LTBP2: variants seen among roughly 807,000 people sequenced by gnomAD.
The protein encoded by LTBP2 is latent transforming growth factor beta binding protein 2, also known as latent-transforming growth factor beta-binding protein 2.
In LTBP2, 103 loss-of-function variants were observed where a neutral mutation model predicts 210.6. The observed-to-expected ratio is 0.49, with a 90% CI of 0.42 to 0.58. The LOEUF (loss-of-function observed/expected upper bound fraction) is 0.58. Among genes scored for constraint, LTBP2 ranks in the 20% least tolerant of loss-of-function variants. The pLI, the probability that LTBP2 is intolerant of heterozygous loss-of-function variation, is 0.00. For missense variants in LTBP2, 2,313 were observed against 2,494.5 expected, an observed-to-expected ratio of 0.93 and a Z score of 1.55; for synonymous variants, 1,007 against 1,015.0, an observed-to-expected ratio of 0.99 and a Z score of 0.15.
intron 3 of LTBP2, among the ~76,000 whole-genome samples, chr14:74,565,513 T>A (rs2087891514): frequency 6.6e-6 from 1 of 152,166 alleles, no homozygotes; most frequent in Non-Finnish European, 1.5e-5. Context: ...TAGAGACAGA[T>A]AATTCCCAGC....
intron 30 of LTBP2, 93 bp downstream of exon 30, chr14:74,504,685 G>A: frequency 8.0e-7 from 1 of 1,247,828 alleles, no homozygotes; most frequent in Non-Finnish European, 1.2e-6. Context: ...CGAGGCCAGG[G>A]CTGGATGCAG....
intron 8 of LTBP2, among the ~76,000 whole-genome samples, chr14:74,541,816 G>A (rs1566630491): frequency 1.3e-5 from 2 of 152,256 alleles, no homozygotes; most frequent in Admixed American, 6.5e-5. Flanking sequence ...CTGATCAGAT[G>A]CCTGGTAAGT....
In LTBP2 at chr14:74,522,002, T is replaced by C; in HGVS notation, c.2697A>G (p.Lys899=). Residue 899 remains lysine (K), a synonymous_variant, in exon 17 of 36, where the codon AAA becomes AAG. Transcript: ENST00000261978. ...NECLRDPCKG[K]GRCINRVGSY... ...ACCCCACGCGGTTGATGCAGCGCCC[T>C]TTTCCCTTGCAGGGGTCCCTCAGAC... The C allele has an allele frequency of 6.2e-7, 1 of 1,613,384 alleles. No individual in the cohort carries two copies. Among genetic ancestry groups the C allele is most frequent in the Non-Finnish European group, 8.5e-7 (1 of 1,179,580 alleles).
Position 74,532,578 on chromosome 14 carries a change from C to T in LTBP2, c.1865-30G>A, listed in dbSNP as rs1239516650. 3 of 1,612,642 alleles carry T rather than the reference C, an allele frequency of 1.9e-6. No homozygotes were observed. The Admixed American group carries it at 5.0e-5, about 27-fold the overall frequency. On this transcript the variant is annotated intron_variant, in intron 9 of 35. Transcript: ENST00000261978. The stretch of plus-strand genomic sequence containing the variant: ...AGGGTTGGAGGAGATGACCAAGTGC[C>T]CGCCCCACGGAGGCCTGATGGAGCA...
chr14:74,608,397 C>T (rs1452639261), intron 1 of LTBP2, among the ~76,000 whole-genome samples: 1 of 151,736 alleles, frequency 6.6e-6, no homozygotes, highest in Non-Finnish European at 1.5e-5. Flanking sequence ...AGGTGGTCTG[C>T]TGTGAGGCTG....
chr14:74,573,283 T>G (rs11629289), intron 3 of LTBP2, among the ~76,000 whole-genome samples: 1 of 152,214 alleles, frequency 6.6e-6, no homozygotes, highest in East Asian at 1.9e-4. Flanking sequence ...GTGGGAGTCA[T>G]GGGAATACCC....
At chr14:74,501,696 G>T in intron 34 of LTBP2, 106 bp from the exon 35 acceptor site, 2 of 1,374,012 alleles carry the variant, frequency 1.5e-6, no homozygotes, top group South Asian at 2.4e-5. Flanking sequence ...CTGTGGAACT[G>T]TGGGGGTGGG....
chr14:74,585,877 G>GGGCGGCGACTGTGGTGCT lies in LTBP2; in HGVS notation c.789_806dup (p.Pro271_Ala276dup), dbSNP rs779626266. 5.6e-6 allele frequency: 9 copies of GGGCGGCGACTGTGGTGCT among 1,613,314 alleles called. No homozygotes were observed. Among genetic ancestry groups the GGGCGGCGACTGTGGTGCT allele is most frequent in the Middle Eastern group, 1.7e-4 (1 of 6,052 alleles). Reference sequence around the variant, plus strand: ...ACCCAGCTGGTGGCGACTGTGGTGCGGGCGGCGACTGTGGTGCTGGCGGCT... The same window carrying GGGCGGCGACTGTGGTGCT: ...ACCCAGCTGGTGGCGACTGTGGTGCGGGCGGCGACTGTGGTGCTGGCGGCGACTGTGGTGCTGGCGGCT... On this transcript the variant is annotated inframe_insertion, in exon 3 of 36. Coordinates refer to ENST00000261978, the MANE Select transcript of LTBP2 (RefSeq NM_000428.3).
At chr14:74,512,607 C>T (rs1372105341) in intron 18 of LTBP2, among the ~76,000 whole-genome samples, 1 of 152,232 alleles carries the variant, frequency 6.6e-6, no homozygotes, top group East Asian at 1.9e-4. Context: ...TCGAAGCCCT[C>T]TGTCCCAGAG....
At chr14:74,594,839 C>T (rs1323864032) in intron 2 of LTBP2, among the ~76,000 whole-genome samples, 2 of 152,232 alleles carry the variant, frequency 1.3e-5, no homozygotes, top group African/African-American at 4.8e-5. Context: ...CTCAGAATCG[C>T]TCTCTCCACT....
At chr14:74,554,510 A>G (rs923435319) in intron 4 of LTBP2, among the ~76,000 whole-genome samples, 1 of 152,218 alleles carries the variant, frequency 6.6e-6, no homozygotes, top group African/African-American at 2.4e-5. Flanking sequence ...TAAAAAAGAA[A>G]AAGAGAAGAA....
At chr14:74,582,011 G>A (rs542174751) in intron 3 of LTBP2, among the ~76,000 whole-genome samples, 58 of 151,188 alleles carry the variant, frequency 3.8e-4, no homozygotes, top group African/African-American at 1.3e-3. Context: ...AGCCTGCCTA[G>A]GGTTGTTGTT....
In LTBP2 at chr14:74,511,392, C is replaced by A; in HGVS notation, c.2909-28G>T. The A allele has an allele frequency of 1.9e-6, 3 of 1,613,606 alleles. No individual in the cohort carries two copies. The South Asian group carries it at 3.3e-5, about 18-fold the overall frequency. ...GCAAAACAGCAGCCCCTCCCTTGGT[C>A]ATCCCTGGGAACATAGCAAATGGGT... On this transcript the variant is annotated intron_variant, in intron 18 of 35. Transcript: ENST00000261978.
At chr14:74,547,711 G>C (rs927259507) in intron 8 of LTBP2, among the ~76,000 whole-genome samples, 3 of 152,074 alleles carry the variant, frequency 2.0e-5, no homozygotes, top group Admixed American at 2.0e-4. Flanking sequence ...TGGGTCAGGA[G>C]GTCCCAGGGC....
intron 1 of LTBP2, among the ~76,000 whole-genome samples, chr14:74,606,198 A>T (rs2088524338): frequency 1.3e-5 from 2 of 152,210 alleles, no homozygotes; most frequent in African/African-American, 4.8e-5. Context: ...TCTGGCTAGC[A>T]GTCTGGGAGA....
At chr14:74,546,120 A>G (rs1473008436) in intron 8 of LTBP2, among the ~76,000 whole-genome samples, 1 of 152,126 alleles carries the variant, frequency 6.6e-6, no homozygotes, top group Non-Finnish European at 1.5e-5. Context: ...TGCTCACCCT[A>G]TCACTCCCAC....
intron 1 of LTBP2, among the ~76,000 whole-genome samples, chr14:74,605,234 T>C (rs1018608543): frequency 2.0e-5 from 3 of 152,364 alleles, no homozygotes; most frequent in Middle Eastern, 3.4e-3. Flanking sequence ...AAAGCTTATG[T>C]GGTTTTTGGA....
chr14:74,525,431 T>A (rs2087260311), intron 14 of LTBP2, among the ~76,000 whole-genome samples: 1 of 152,182 alleles, frequency 6.6e-6, no homozygotes. Context: ...TCCAGTCTAA[T>A]CCTCCATGTC....
intron 2 of LTBP2, among the ~76,000 whole-genome samples, chr14:74,600,755 TACCA>T (rs892181062): frequency 6.6e-6 from 1 of 152,046 alleles, no homozygotes; most frequent in Non-Finnish European, 1.5e-5. Context: ...CTCTCAAACA[TACCA>T]ACCCTCTTCC....
Sources: gnomAD v4.1 joint callset for allele counts (sites outside exome capture counted in the v4.1 genomes callset) on GRCh38, gnomAD v4.1.1 for gene constraint, MANE v1.5 for transcripts, NCBI Gene and HGNC (gene_info 2026-07-23, HGNC 2026-07-21) for gene names.